The following KCNC2 variants were observed in gnomAD, a reference collection of about 807,000 sequenced individuals.
The protein encoded by KCNC2 is potassium voltage-gated channel subfamily C member 2.
Under a neutral mutation model 44.5 loss-of-function variants are expected in KCNC2, and 21 were observed. That is an observed-to-expected ratio of 0.47 (90% CI 0.33 to 0.68). The LOEUF is 0.68. Among genes scored for constraint, KCNC2 ranks in the 30% least tolerant of loss-of-function variants. The pLI, the probability that KCNC2 is intolerant of heterozygous loss-of-function variation, is 0.01. For synonymous variants in KCNC2, 391 were observed against 339.1 expected, an observed-to-expected ratio of 1.15 and a Z score of -1.68; for missense variants, 589 against 826.2, an observed-to-expected ratio of 0.71 and a Z score of 3.52.
intron 2 of KCNC2, among the ~76,000 whole-genome samples, chr12:75,185,879 G>A (rs1892904852): frequency 1.3e-5 from 2 of 151,390 alleles, no homozygotes; most frequent in South Asian, 2.1e-4. Context: ...AACTCTGTCT[G>A]TACTAAAAAT....
intron 2 of KCNC2, among the ~76,000 whole-genome samples, chr12:75,101,791 A>C (rs1165306741): frequency 1.3e-5 from 2 of 152,100 alleles, no homozygotes; most frequent in South Asian, 2.1e-4. Context: ...CAGAAAAGGA[A>C]AACAAAAATT....
chr12:75,203,169 A>G (rs1249198447), intron 2 of KCNC2, among the ~76,000 whole-genome samples: 3 of 151,716 alleles, frequency 2.0e-5, no homozygotes, highest in Non-Finnish European at 4.4e-5. Flanking sequence ...TTGTTCCTAT[A>G]CCTTATTATA....
intron 2 of KCNC2, among the ~76,000 whole-genome samples, chr12:75,174,029 T>C (rs1410426932): frequency 6.6e-6 from 1 of 151,834 alleles, no homozygotes; most frequent in Non-Finnish European, 1.5e-5. Context: ...TCATATTTAG[T>C]ATAATACTTT....
chr12:75,191,328 TG>T (rs1000380838), intron 2 of KCNC2, among the ~76,000 whole-genome samples: 9 of 151,590 alleles, frequency 5.9e-5, no homozygotes, highest in Admixed American at 5.3e-4. Context: ...TAATAGTCTT[TG>T]GGGAAAAAAA....
chr12:75,111,462 G>A (rs1887235743), intron 2 of KCNC2, among the ~76,000 whole-genome samples: 1 of 151,912 alleles, frequency 6.6e-6, no homozygotes, highest in Non-Finnish European at 1.5e-5. Flanking sequence ...ACATTTCCTG[G>A]TGAAAGAGTT....
chr12:75,185,590 C>A (rs918173475), intron 2 of KCNC2, among the ~76,000 whole-genome samples: 2 of 151,908 alleles, frequency 1.3e-5, no homozygotes, highest in Non-Finnish European at 2.9e-5. Flanking sequence ...TGATCTTGGA[C>A]TTCTCAGCCT....
intron 2 of KCNC2, among the ~76,000 whole-genome samples, chr12:75,132,429 T>C (rs1428285482): frequency 6.6e-6 from 1 of 152,162 alleles, no homozygotes; most frequent in African/African-American, 2.4e-5. Flanking sequence ...AATGCCAGAA[T>C]TGAGGCCATG....
chr12:75,139,621 G>A (rs549935967), intron 2 of KCNC2, among the ~76,000 whole-genome samples: 2 of 152,182 alleles, frequency 1.3e-5, no homozygotes, highest in East Asian at 1.9e-4. Flanking sequence ...ACATTTTCTG[G>A]TGGTAGCTAT....
chr12:75,107,128 C>A (rs967141272), intron 2 of KCNC2, among the ~76,000 whole-genome samples: 5 of 152,158 alleles, frequency 3.3e-5, no homozygotes, highest in Non-Finnish European at 1.5e-5. Context: ...CATGGTGAAA[C>A]CCTGTCTCTA....
chr12:75,085,033 A>AC (rs1221933655), intron 2 of KCNC2, among the ~76,000 whole-genome samples: 3 of 35,830 alleles, frequency 8.4e-5, no homozygotes, highest in Admixed American at 7.9e-4. Flanking sequence ...ATAGGAATTC[A>AC]CAAAAAAAAG....
At chr12:75,175,909 C>T (rs1245905206) in intron 2 of KCNC2, among the ~76,000 whole-genome samples, 1 of 151,954 alleles carries the variant, frequency 6.6e-6, no homozygotes, top group African/African-American at 2.4e-5. Flanking sequence ...ATAGTGAAAA[C>T]AATAGCATAA....
chr12:75,158,627 G>C (rs1240303020), intron 2 of KCNC2, among the ~76,000 whole-genome samples: 1 of 151,784 alleles, frequency 6.6e-6, no homozygotes, highest in Non-Finnish European at 1.5e-5. Flanking sequence ...TAAAGCACTG[G>C]AAACAGGGTC....
chr12:75,167,372 G>T (rs1386819221), intron 2 of KCNC2, among the ~76,000 whole-genome samples: 1 of 150,996 alleles, frequency 6.6e-6, no homozygotes, highest in Admixed American at 6.6e-5. Flanking sequence ...AAAATAGATG[G>T]ATTAAAAATA....
At chr12:75,181,045 T>C (rs1892537198) in intron 2 of KCNC2, among the ~76,000 whole-genome samples, 1 of 152,154 alleles carries the variant, frequency 6.6e-6, no homozygotes, top group Non-Finnish European at 1.5e-5. Context: ...AAATAAATAC[T>C]TAAAAGAGAG....
At chr12:75,052,504 A>G (rs1204187408) in intron 2 of KCNC2, among the ~76,000 whole-genome samples, 1 of 152,152 alleles carries the variant, frequency 6.6e-6, no homozygotes, top group Non-Finnish European at 1.5e-5. Context: ...ATCTGTGATA[A>G]CACTCAGGTT....
At position 75,207,778 on chromosome 12, in the gene KCNC2, G is replaced by T. The variant is rs753563125; in HGVS notation, c.206C>A (p.Pro69Gln). ...GCAGCCGCCTGGCCCGGGGGACAGC[G>T]GGGGCGCTCTCGGCGGCGGCGACAG... is the stretch of plus-strand genomic sequence containing the variant. Reference protein sequence around the residue: ...PPLSPPPRAPPLSPGPGGCFE... With the variant: ...PPLSPPPRAPQLSPGPGGCFE... The change falls in exon 2 of 5, where the codon CCG becomes CAG. Residue 69 changes from proline to glutamine, a missense_variant. Physicochemically the swap from Pro to Gln is moderately conservative, Grantham distance 76. Transcript: ENST00000549446. The surrounding 1 kb of genome is among the most constrained non-coding windows in gnomAD (Gnocchi z 4.1). 1 of 1,585,654 alleles carries T rather than the reference G, an allele frequency of 6.3e-7. No individual in the cohort carries two copies. The highest frequency in any genetic ancestry group is 8.6e-7 in the Non-Finnish European group (1 of 1,166,982).
chr12:75,100,523 T>C (rs947314944), intron 2 of KCNC2, among the ~76,000 whole-genome samples: 1 of 151,392 alleles, frequency 6.6e-6, no homozygotes, highest in African/African-American at 2.4e-5. Flanking sequence ...ATTTAAATTA[T>C]ATCATTAAGA....
intron 2 of KCNC2, among the ~76,000 whole-genome samples, chr12:75,075,565 T>C (rs1399753090): frequency 6.6e-6 from 1 of 151,402 alleles, no homozygotes. Flanking sequence ...GGAAGCCCCT[T>C]GAGAAGATAA....
At chr12:75,072,781 C>T (rs755993023) in intron 2 of KCNC2, among the ~76,000 whole-genome samples, 20 of 152,100 alleles carry the variant, frequency 1.3e-4, no homozygotes, top group Non-Finnish European at 2.1e-4. Flanking sequence ...ACATTTAATG[C>T]TATTTCAGTA....
Sources: allele counts gnomAD v4.1 joint callset (sites outside exome capture counted in the v4.1 genomes callset), GRCh38; gene constraint gnomAD v4.1.1; non-coding constraint Gnocchi (gnomAD v3.1); transcripts MANE v1.5; gene names NCBI Gene and HGNC (gene_info 2026-07-23, HGNC 2026-07-21).